Variants in CCDC125 observed in about 807,000 individuals in gnomAD.
CCDC125 encodes the protein coiled-coil domain containing 125.
CCDC125 carries 43 observed loss-of-function variants against 57.4 expected under a neutral mutation model. The ratio of observed to expected loss-of-function variants is 0.75; its 90% CI spans 0.59 to 0.97. The LOEUF (loss-of-function observed/expected upper bound fraction) is 0.97. Among genes scored for constraint, CCDC125 ranks in the 50% least tolerant of loss-of-function variants. CCDC125 has a pLI of 0.00. For missense variants in CCDC125, 563 were observed against 595.7 expected, an observed-to-expected ratio of 0.95 and a Z score of 0.57; for synonymous variants, 187 against 195.2, an observed-to-expected ratio of 0.96 and a Z score of 0.35.
intron 9 of CCDC125, among the ~76,000 whole-genome samples, chr5:69,293,458 T>C (rs547664128): frequency 2.6e-5 from 4 of 152,158 alleles, no homozygotes; most frequent in African/African-American, 7.2e-5. Flanking sequence ...AAGACCAGCC[T>C]GGCCAACATA....
chr5:69,283,046 G>A lies in CCDC125; in HGVS notation c.1231-12C>T. 6.4e-7 allele frequency: 1 copy of A among 1,563,768 alleles called. No homozygotes were observed. Among genetic ancestry groups the A allele is most frequent in the Admixed American group, 2.0e-5 (1 of 50,236 alleles). ...TCTTTATCATTAAGCTGCATGCACA[G>A]AAATTAAACATGTACAAGTTAGTCA... On this transcript the variant is annotated splice_polypyrimidine_tract_variant and intron_variant, in intron 11 of 11. Transcript: ENST00000396496.
chr5:69,329,911 A>T (rs1761210389), intron 1 of CCDC125, among the ~76,000 whole-genome samples: 1 of 152,228 alleles, frequency 6.6e-6, no homozygotes, highest in South Asian at 2.1e-4. Context: ...CTCTTTGTCC[A>T]GTCCTCTGGC....
intron 8 of CCDC125, among the ~76,000 whole-genome samples, chr5:69,295,830 C>T (rs1328041269): frequency 2.0e-5 from 3 of 152,092 alleles, no homozygotes; most frequent in Middle Eastern, 3.2e-3. Flanking sequence ...TCCATACTTC[C>T]CTAAACATTG....
chr5:69,275,220 C>T (rs1241875468), downstream of CCDC125, among the ~76,000 whole-genome samples: 2 of 152,034 alleles, frequency 1.3e-5, no homozygotes, highest in Non-Finnish European at 2.9e-5. Context: ...GAACATTGGC[C>T]TGGTAATTAA....
At chr5:69,276,585 C>A (rs1488606493), downstream of CCDC125, 2 of 1,613,566 alleles carry the variant, frequency 1.2e-6, no homozygotes, top group Non-Finnish European at 1.7e-6. Context: ...AGGGCCAACA[C>A]CTGGATGTCA....
intron 3 of CCDC125, 197 bp downstream of exon 3, chr5:69,313,788 A>C (rs879178643): frequency 6.3e-6 from 5 of 796,662 alleles, no homozygotes; most frequent in South Asian, 5.3e-5. Flanking sequence ...CGCTTCTTCA[A>C]CTTCTCTGGT....
At position 69,300,050 on chromosome 5, in the gene CCDC125, A is replaced by G; in HGVS notation, c.778T>C (p.Cys260Arg). The G allele has an allele frequency of 6.2e-7, 1 of 1,614,232 alleles. No homozygotes were observed. Among genetic ancestry groups the G allele is most frequent in the Non-Finnish European group, 8.5e-7 (1 of 1,180,032 alleles). Residue 260 changes from cysteine (C) to arginine (R), a missense_variant, in exon 8 of 12, where the codon TGT becomes CGT. Cys to Arg is a radical substitution (Grantham distance 180). Coordinates refer to ENST00000396496, the MANE Select transcript of CCDC125 (RefSeq NM_176816.5). Reference protein sequence around the residue: ...QQKMAQENMCCDKSGFAEASG... With the variant: ...QQKMAQENMCRDKSGFAEASG... The stretch of plus-strand genomic sequence containing the variant: ...GCCTCTGCAAAGCCACTTTTATCAC[A>G]GCACATGTTTTCCTGAGCCATCTTC...
Position 69,287,103 on chromosome 5 carries a change from G to A in CCDC125, c.1100-1636C>T, listed in dbSNP as rs868695638. On this transcript the variant is annotated intron_variant, in intron 10 of 11. Coordinates refer to ENST00000396496, the MANE Select transcript of CCDC125 (RefSeq NM_176816.5). ...AAACTGCCATATCAAAAAGAAAGTT[G>A]ATATTAAGTGTTACTAAACATAAAA... Among the ~76,000 whole-genome samples the A allele has an allele frequency of 3.3e-5, 5 of 151,308 alleles. No individual in the cohort carries two copies. In the South Asian group the frequency reaches 8.3e-4, roughly 25 times the overall value.
the CCDC125 span, among the ~76,000 whole-genome samples, chr5:69,274,361 G>A: frequency 6.6e-6 from 1 of 152,318 alleles, no homozygotes; most frequent in Middle Eastern, 3.4e-3. Context: ...GTAGGCCGGT[G>A]CATCGGCTCA....
rs764515511 is a variant in CCDC125 at position 69,294,833 on chromosome 5, G to A, written c.884C>T (p.Ala295Val). ...GGNPCSCARMAASTRKLLLQL... is the reference protein window; with the variant it reads ...GGNPCSCARMVASTRKLLLQL... ...AAGAAGCAGTTTCCGAGTGGATGCT[G>A]CCATTCTGGCACAAGAACAGGGGTT... Residue 295 changes from alanine (A) to valine (V), a missense_variant, in exon 9 of 12, where the codon GCA becomes GTA. By Grantham distance (64) the Ala-to-Val change is moderately conservative (BLOSUM62 0). Transcript: ENST00000396496. 4.3e-6 allele frequency: 7 copies of A among 1,614,156 alleles called. No individual in the cohort carries two copies. The South Asian group carries it at 7.7e-5, about 18-fold the overall frequency.
downstream of CCDC125, among the ~76,000 whole-genome samples, chr5:69,279,952 TGTTTTACATGGCA>T (rs1170022109): frequency 2.0e-5 from 3 of 152,198 alleles, no homozygotes; most frequent in Non-Finnish European, 4.4e-5. Flanking sequence ...GAAGCAGGCA[TGTTTTACATGGCA>T]GCAGGAGAGA....
chr5:69,324,734 C>T (rs565214127), intron 1 of CCDC125, among the ~76,000 whole-genome samples: 70 of 152,276 alleles, frequency 4.6e-4, no homozygotes, highest in Non-Finnish European at 7.1e-4. Context: ...CATACTAGGC[C>T]GGATGTGGTG....
chr5:69,320,052 T>G (rs1005298018), intron 2 of CCDC125, among the ~76,000 whole-genome samples, 185 bp downstream of exon 2: 2 of 151,562 alleles, frequency 1.3e-5, no homozygotes, highest in African/African-American at 2.4e-5. Context: ...ACCCGGGGGG[T>G]GGAGGTTGCA....
chr5:69,281,932 C>G lies in CCDC125; in HGVS notation c.*797G>C, dbSNP rs1305561235. The G allele has an allele frequency of 6.6e-6, 1 of 151,324 alleles. No individual in the cohort carries two copies. The highest frequency in any genetic ancestry group is 2.1e-4 in the South Asian group (1 of 4,792). The allele number at this position is 151,324 out of a possible 1,614,324, so 9.4% of individuals were successfully genotyped here. ...TGAGACAGAGTTTCGCTCTTGTCGC[C>G]CAGGCTGGAGTGCAATGACACAGTC... is the stretch of plus-strand genomic sequence containing the variant. On this transcript the variant is annotated 3_prime_UTR_variant, in exon 12 of 12. Transcript: ENST00000396496.
At chr5:69,290,742 G>A (rs982677245) in intron 10 of CCDC125, among the ~76,000 whole-genome samples, 1 of 145,928 alleles carries the variant, frequency 6.9e-6, no homozygotes, top group Non-Finnish European at 1.5e-5. Flanking sequence ...CAATTCTCCT[G>A]CCTCAGCCTC....
chr5:69,274,245 TTATTAA>T, the CCDC125 span, among the ~76,000 whole-genome samples: 1 of 152,222 alleles, frequency 6.6e-6, no homozygotes, highest in Non-Finnish European at 1.5e-5. Flanking sequence ...ATGGATGTCT[TTATTAA>T]AGTTGGAATG....
intron 1 of CCDC125, among the ~76,000 whole-genome samples, chr5:69,321,735 GA>G (rs771246312): frequency 2.6e-5 from 4 of 152,110 alleles, no homozygotes; most frequent in Non-Finnish European, 5.9e-5. Context: ...ATTTTTCAGG[GA>G]AAAAAGTTTC....
chr5:69,328,084 C>A (rs1165504644), intron 1 of CCDC125, among the ~76,000 whole-genome samples: 1 of 152,122 alleles, frequency 6.6e-6, no homozygotes, highest in Non-Finnish European at 1.5e-5. Context: ...TTAGTAGAGA[C>A]AAGGTTTCAC....
intron 2 of CCDC125, among the ~76,000 whole-genome samples, chr5:69,316,973 A>G (rs1477524943): frequency 6.6e-6 from 1 of 152,146 alleles, no homozygotes; most frequent in Non-Finnish European, 1.5e-5. Flanking sequence ...TACTATTACT[A>G]TTTAAATCTT....
Sources: gnomAD v4.1 joint callset for allele counts (sites outside exome capture counted in the v4.1 genomes callset) on GRCh38, gnomAD v4.1.1 for gene constraint, MANE v1.5 for transcripts, NCBI Gene and HGNC (gene_info 2026-07-23, HGNC 2026-07-21) for gene names.